The following PTCRA variants were observed in gnomAD, a reference collection of about 807,000 sequenced individuals.
The protein encoded by PTCRA is pre T-cell antigen receptor alpha.
In PTCRA, 9 loss-of-function variants were observed where a neutral mutation model predicts 13.4. That is an observed-to-expected ratio of 0.67 (90% CI 0.41 to 1.18). The LOEUF (loss-of-function observed/expected upper bound fraction) is 1.18. Ranked by LOEUF, PTCRA falls within the 50% of genes most tolerant of loss-of-function variation. The pLI, the probability that PTCRA is intolerant of heterozygous loss-of-function variation, is 0.01. For synonymous variants in PTCRA, 153 were observed against 161.9 expected, an observed-to-expected ratio of 0.94 and a Z score of 0.42; for missense variants, 353 against 359.8, an observed-to-expected ratio of 0.98 and a Z score of 0.15.
Position 42,917,141 on chromosome 6 carries a change from C to A in PTCRA, c.58+1014C>A, listed in dbSNP as rs1031513494. ...CTGCCAGGGCATTTTACACTTATGG[C>A]CTTTACTCTTCACAACAATTTTGCT... On this transcript the variant is annotated intron_variant, in intron 1 of 3. Transcript: ENST00000304672. 2.6e-5 allele frequency among the ~76,000 whole-genome samples: 4 copies of A among 151,276 alleles called. No individual in the cohort carries two copies. In the South Asian group the frequency reaches 6.2e-4, roughly 24 times the overall value.
chr6:42,917,234 T>A (rs371671502), intron 1 of PTCRA, among the ~76,000 whole-genome samples: 1 of 126,584 alleles, frequency 7.9e-6, no homozygotes, highest in Non-Finnish European at 1.8e-5. Context: ...TATTATTATT[T>A]ATTTTTGAGA....
At chr6:42,919,224 G>C (rs1054692413) in intron 1 of PTCRA, among the ~76,000 whole-genome samples, 10 of 152,072 alleles carry the variant, frequency 6.6e-5, no homozygotes, top group African/African-American at 2.4e-4. Flanking sequence ...TCGATCTCCT[G>C]ACCTTGTGAT....
chr6:42,916,260 G>A (rs1766872433), intron 1 of PTCRA, 133 bp downstream of exon 1: 1 of 855,632 alleles, frequency 1.2e-6, no homozygotes, highest in Admixed American at 2.5e-5. Flanking sequence ...CTCTGGGGAG[G>A]GTCCCTCTGG....
intron 1 of PTCRA, chr6:42,922,408 G>T: frequency 1.7e-6 from 1 of 600,754 alleles, no homozygotes; most frequent in Non-Finnish European, 3.0e-6. Context: ...GATGGAAGGA[G>T]AGGTGGGTAG....
chr6:42,920,995 C>T (rs915878115), intron 1 of PTCRA, among the ~76,000 whole-genome samples: 1 of 151,790 alleles, frequency 6.6e-6, no homozygotes, highest in African/African-American at 2.4e-5. Flanking sequence ...TGGGGTTTCG[C>T]CATGTTGGCC....
chr6:42,921,412 CTTTTT>C (rs59029514), intron 1 of PTCRA, among the ~76,000 whole-genome samples: 26 of 85,656 alleles, frequency 3.0e-4, no homozygotes, highest in Non-Finnish European at 1.5e-4. Context: ...AACAAAGCTT[CTTTTT>C]TTTTTTTTTT....
At chr6:42,922,739 C>CA (rs575063807) in intron 1 of PTCRA, among the ~76,000 whole-genome samples, 8,277 of 85,410 alleles carry the variant, frequency 0.097, 311 homozygotes, top group South Asian at 0.2. Context: ...AATTCCATCT[C>CA]AAAAAAAAAA....
At chr6:42,917,586 G>A (rs1364724920) in intron 1 of PTCRA, among the ~76,000 whole-genome samples, 1 of 147,260 alleles carries the variant, frequency 6.8e-6, no homozygotes, top group Non-Finnish European at 1.5e-5. Context: ...AGTTTGCTCT[G>A]TTGCCCAGAT....
intron 1 of PTCRA, among the ~76,000 whole-genome samples, chr6:42,921,017 G>T (rs775737445): frequency 2.0e-5 from 3 of 149,476 alleles, no homozygotes; most frequent in African/African-American, 7.4e-5. Context: ...GGGTGTTCTC[G>T]AACTCCTGAC....
chr6:42,924,482 C>T, intron 3 of PTCRA: 1 of 622,938 alleles, frequency 1.6e-6, no homozygotes. Context: ...TTGACCCCAG[C>T]CTAATTCCTG....
In PTCRA at chr6:42,916,139, C is replaced by T. The variant is rs1766867546; in HGVS notation, c.58+12C>T. The T allele has an allele frequency of 1.9e-6, 3 of 1,613,240 alleles. No individual in the cohort carries two copies. Among genetic ancestry groups the T allele is most frequent in the Non-Finnish European group, 2.5e-6 (3 of 1,179,354 alleles). On this transcript the variant is annotated intron_variant, in intron 1 of 3. Coordinates refer to ENST00000304672, the MANE Select transcript of PTCRA (RefSeq NM_138296.3). The stretch of plus-strand genomic sequence containing the variant: ...AGCCCTACCCACAGGTGAGCCCCCT[C>T]TTTGCCTTCCTCTCTGTCCCTCCTC...
chr6:42,924,563 A>AG (rs1182681834), intron 3 of PTCRA, among the ~76,000 whole-genome samples: 4 of 152,226 alleles, frequency 2.6e-5, no homozygotes, highest in Admixed American at 6.5e-5. Context: ...CAGCCCAGGC[A>AG]GGGGGGTCTC....
chr6:42,917,229 T>TTATAA (rs531814742), intron 1 of PTCRA, among the ~76,000 whole-genome samples: 82 of 137,316 alleles, frequency 6.0e-4, no homozygotes, highest in African/African-American at 2.0e-3. Flanking sequence ...ATTATTATTA[T>TTATAA]TATTTATTTT....
Position 42,916,086 on chromosome 6 carries a change from T to A in PTCRA, c.17T>A (p.Leu6Gln), listed in dbSNP as rs1166517367. The A allele has an allele frequency of 6.2e-7, 1 of 1,614,074 alleles. No homozygotes were observed. Among genetic ancestry groups the A allele is most frequent in the Admixed American group, 1.7e-5 (1 of 60,006 alleles). The change falls in exon 1 of 4, where the codon CTG becomes CAG. Residue 6 changes from leucine to glutamine, a missense_variant. Physicochemically the swap from Leu to Gln is moderately radical, Grantham distance 113. Transcript: ENST00000304672. MAGTW[L>Q]LLLLALGCPA... is the part of the protein sequence containing the mutation. The stretch of plus-strand genomic sequence containing the variant: ...GAGTGGGCCATGGCCGGTACATGGC[T>A]GCTACTTCTCCTGGCCCTTGGGTGT...
chr6:42,923,792 A>T (rs111265905), intron 2 of PTCRA, among the ~76,000 whole-genome samples: 1 of 152,210 alleles, frequency 6.6e-6, no homozygotes, highest in Non-Finnish European at 1.5e-5. Context: ...GTTAAGCAAC[A>T]TGTCTAAAGC....
chr6:42,922,172 CAAA>C (rs1289050159), intron 1 of PTCRA: 3 of 686,278 alleles, frequency 4.4e-6, no homozygotes, highest in African/African-American at 3.6e-5. Context: ...AAAAAAGAAA[CAAA>C]AAGTTACAGA....
intron 1 of PTCRA, among the ~76,000 whole-genome samples, chr6:42,918,570 A>T (rs969974326): frequency 6.6e-6 from 1 of 151,826 alleles, no homozygotes; most frequent in African/African-American, 2.4e-5. Flanking sequence ...TAATAATAAT[A>T]ATAATAATGA....
At chr6:42,916,981 C>T (rs1160754790) in intron 1 of PTCRA, among the ~76,000 whole-genome samples, 1 of 152,098 alleles carries the variant, frequency 6.6e-6, no homozygotes, top group African/African-American at 2.4e-5. Flanking sequence ...CTGAACTCAA[C>T]TTGGGGAATG....
At position 42,925,693 on chromosome 6, in the gene PTCRA, C is replaced by G; in HGVS notation, c.*11C>G. ...GCTGGAGCTGCCTGAGGGCAGGGCTCTACCTCCCCTGCGTCACACTGTGTG... is the reference window on the plus strand; with the variant it reads ...GCTGGAGCTGCCTGAGGGCAGGGCTGTACCTCCCCTGCGTCACACTGTGTG... On this transcript the variant is annotated 3_prime_UTR_variant, in exon 4 of 4. Coordinates refer to ENST00000304672, the MANE Select transcript of PTCRA (RefSeq NM_138296.3). This position sits in a 1 kb window ranked among gnomAD's most constrained non-coding sequence, Gnocchi z 4.4. The G allele has an allele frequency of 2.7e-6, 4 of 1,496,156 alleles. No homozygotes were observed. The highest frequency in any genetic ancestry group is 2.7e-5 in the South Asian group (2 of 73,622). 92.7% of individuals were successfully genotyped at this position (1,496,156 alleles called of 1,614,324 possible).
Sources: gnomAD v4.1 joint callset for allele counts (sites outside exome capture counted in the v4.1 genomes callset) on GRCh38, gnomAD v4.1.1 for gene constraint, Gnocchi (gnomAD v3.1) non-coding constraint, MANE v1.5 for transcripts, NCBI Gene and HGNC (gene_info 2026-07-23, HGNC 2026-07-21) for gene names.